Variants in SLFN12 observed in about 807,000 individuals in gnomAD.
SLFN12 encodes ribonuclease SLFN12.
In SLFN12, 25 loss-of-function variants were observed where a neutral mutation model predicts 29.1. The observed-to-expected ratio is 0.86, with a 90% CI of 0.63 to 1.20. The LOEUF (loss-of-function observed/expected upper bound fraction) is 1.20, where lower values mean the gene tolerates loss of function less well. SLFN12 is among the 50% of genes most tolerant of loss of function. SLFN12 has a pLI of 0.00. For synonymous variants in SLFN12, 257 were observed against 238.7 expected (o/e 1.08, Z -0.71); for missense variants, 660 against 666.2 (o/e 0.99, Z 0.10).
intron 3 of SLFN12, among the ~76,000 whole-genome samples, chr17:35,419,813 C>T (rs1911521475): frequency 1.3e-5 from 2 of 152,186 alleles, no homozygotes; most frequent in South Asian, 4.1e-4. Context: ...CACTAGAAGA[C>T]CGACTAAGAA....
At chr17:35,427,108 C>A (rs555455843) in intron 1 of SLFN12, among the ~76,000 whole-genome samples, 2 of 152,122 alleles carry the variant, frequency 1.3e-5, no homozygotes, top group East Asian at 1.9e-4. Flanking sequence ...TTTTACTATG[C>A]CCCACCAATT....
chr17:35,414,781 A>G (rs1252701597), intron 3 of SLFN12, among the ~76,000 whole-genome samples: 1 of 152,164 alleles, frequency 6.6e-6, no homozygotes, highest in Non-Finnish European at 1.5e-5. Context: ...GCAAAATAAA[A>G]TAAAATACTT....
At chr17:35,421,236 A>G (rs996183789) in intron 2 of SLFN12, among the ~76,000 whole-genome samples, 1 of 149,914 alleles carries the variant, frequency 6.7e-6, no homozygotes, top group African/African-American at 2.4e-5. Flanking sequence ...AAATAAATAA[A>G]TAAATAAATA....
At chr17:35,414,780 A>G (rs573455035) in intron 3 of SLFN12, among the ~76,000 whole-genome samples, 23 of 152,246 alleles carry the variant, frequency 1.5e-4, no homozygotes, top group African/African-American at 5.1e-4. Flanking sequence ...TGCAAAATAA[A>G]ATAAAATACT....
At chr17:35,417,578 A>G (rs964560014) in intron 3 of SLFN12, among the ~76,000 whole-genome samples, 5 of 152,160 alleles carry the variant, frequency 3.3e-5, no homozygotes, top group African/African-American at 1.2e-4. Context: ...CACTCTCTTT[A>G]AAATCTGAAC....
chr17:35,430,848 C>T (rs1912277193), intron 1 of SLFN12, among the ~76,000 whole-genome samples: 2 of 152,136 alleles, frequency 1.3e-5, no homozygotes, highest in African/African-American at 4.8e-5. Flanking sequence ...TCTCCATAGA[C>T]TCTAAGTGCC....
chr17:35,411,699 TG>T lies in SLFN12; in HGVS notation c.1375del (p.His459ThrfsTer17). Reference sequence around the variant, plus strand: ...TTTAAACTCCTCATCCTGTACCATGTGGAAGGTGTATAGGACTGGAGGACTG... The same window carrying T: ...TTTAAACTCCTCATCCTGTACCATGTGAAGGTGTATAGGACTGGAGGACTG... ...QDSPPVLYTF[H>X]MVQDEEFKGY... On this transcript the variant is annotated frameshift_variant, in exon 4 of 4. Transcript: ENST00000304905. LOFTEE classifies it low-confidence loss of function (END_TRUNC). 1 of 1,614,042 alleles carries T rather than the reference TG, an allele frequency of 6.2e-7. No homozygotes were observed. The highest frequency in any genetic ancestry group is 1.1e-5 in the South Asian group (1 of 91,092).
intron 3 of SLFN12, among the ~76,000 whole-genome samples, chr17:35,413,695 G>A (rs990396921): frequency 6.7e-6 from 1 of 150,298 alleles, no homozygotes; most frequent in Non-Finnish European, 1.5e-5. Flanking sequence ...GTTGCAGGGT[G>A]CCAAGATAGC....
Position 35,422,434 on chromosome 17 carries a change from T to C in SLFN12, c.595A>G (p.Thr199Ala). ...TTAATTTCAACATGTGTGGATTCAGTAAAGGTCAATTTTTCTTTCCGATCA... is the reference window on the plus strand; with the variant it reads ...TTAATTTCAACATGTGTGGATTCAGCAAAGGTCAATTTTTCTTTCCGATCA... ...ELDRKEKLTF[T>A]ESTHVEIKNF... Residue 199 changes from threonine to alanine, a missense_variant, in exon 2 of 4, where the codon ACT becomes GCT. Physicochemically the swap from Thr to Ala is moderately conservative, Grantham distance 58. Transcript: ENST00000304905. 5.6e-6 allele frequency: 9 copies of C among 1,613,050 alleles called. No individual in the cohort carries two copies. The highest frequency in any genetic ancestry group is 7.6e-6 in the Non-Finnish European group (9 of 1,179,768).
chr17:35,421,976 C>T lies in SLFN12; in HGVS notation c.1039+14G>A, dbSNP rs369876826. 173 of 1,607,934 alleles carry T rather than the reference C, an allele frequency of 1.1e-4. 2 individuals are homozygous for T. Among genetic ancestry groups the T allele is most frequent in the South Asian group, 3.6e-4 (33 of 90,602 alleles). On this transcript the variant is annotated intron_variant, in intron 2 of 3. Coordinates refer to ENST00000304905, the MANE Select transcript of SLFN12 (RefSeq NM_018042.5). Reference sequence around the variant, plus strand: ...AGCCAAATGCATTCCTGTTGCGAATCCCCCGCTCTCAACTTGGTTCAGCCT... The same window carrying T: ...AGCCAAATGCATTCCTGTTGCGAATTCCCCGCTCTCAACTTGGTTCAGCCT...
rs1911388675 is a variant in SLFN12, at chr17:35,417,633, C to T, written c.1147+2641G>A. On this transcript the variant is annotated intron_variant, in intron 3 of 3. Coordinates refer to ENST00000304905, the MANE Select transcript of SLFN12 (RefSeq NM_018042.5). ...AATTGTCTAAAAGTTTTCTTCAGTT[C>T]ATTAGGACAAGAAAAAAAGACATTA... Among the ~76,000 whole-genome samples the T allele has an allele frequency of 3.3e-5, 5 of 151,560 alleles. No individual in the cohort carries two copies. The South Asian group carries it at 8.4e-4, about 25-fold the overall frequency.
chr17:35,424,938 A>G (rs982336720), intron 1 of SLFN12, among the ~76,000 whole-genome samples: 7 of 152,098 alleles, frequency 4.6e-5, no homozygotes, highest in Non-Finnish European at 8.8e-5. Context: ...TACCATATAC[A>G]TTACTTCACA....
In SLFN12 at chr17:35,422,710, CA is replaced by C; in HGVS notation, c.318del (p.Phe106LeufsTer2). On this transcript the variant is annotated frameshift_variant, in exon 2 of 4. Coordinates refer to ENST00000304905, the MANE Select transcript of SLFN12 (RefSeq NM_018042.5). LOFTEE classifies it high-confidence loss of function. The stretch of plus-strand genomic sequence containing the variant: ...GAGGTGTTCAAGCTCCATGACTTCA[CA>C]AAAATCAGAAAGTAGTTACCATTCT... ...FMQNGNYFLI[F>X]VKSWSLNTSG... The C allele has an allele frequency of 6.2e-7, 1 of 1,614,108 alleles. No homozygotes were observed. The highest frequency in any genetic ancestry group is 8.5e-7 in the Non-Finnish European group (1 of 1,180,014).
At chr17:35,425,320 G>A (rs555738240) in intron 1 of SLFN12, among the ~76,000 whole-genome samples, 1 of 151,994 alleles carries the variant, frequency 6.6e-6, no homozygotes, top group African/African-American at 2.4e-5. Flanking sequence ...ACATAATAAA[G>A]AATACAACAT....
intron 3 of SLFN12, among the ~76,000 whole-genome samples, chr17:35,416,207 C>T (rs1040508573): frequency 2.6e-5 from 4 of 152,064 alleles, no homozygotes; most frequent in African/African-American, 7.2e-5. Context: ...TTCACAGCAA[C>T]CTGAATGGGG....
intron 3 of SLFN12, among the ~76,000 whole-genome samples, chr17:35,414,399 T>G (rs553294431): frequency 1.4e-4 from 22 of 152,120 alleles, no homozygotes; most frequent in African/African-American, 4.6e-4. Flanking sequence ...ATAAATGTTA[T>G]CAAGGAGATG....
chr17:35,411,316 C>T lies in SLFN12; in HGVS notation c.*22G>A. 7.1e-7 allele frequency: 1 copy of T among 1,400,824 alleles called. No individual in the cohort carries two copies. The highest frequency in any genetic ancestry group is 9.7e-7 in the Non-Finnish European group (1 of 1,035,016). The allele number at this position is 1,400,824 out of a possible 1,614,324, so 86.8% of individuals were successfully genotyped here. A position where few individuals can be genotyped will look rare whatever the true frequency, so the allele number is the denominator to read the frequency against. ...ATCAAATATATAATGAAAAATATCT[C>T]AGTAGCCCAGTCCATTTTCCATCAG... is the stretch of plus-strand genomic sequence containing the variant. On this transcript the variant is annotated 3_prime_UTR_variant, in exon 4 of 4. Coordinates refer to ENST00000304905, the MANE Select transcript of SLFN12 (RefSeq NM_018042.5).
intron 1 of SLFN12, among the ~76,000 whole-genome samples, chr17:35,427,952 A>G (rs754281690): frequency 1.1e-4 from 17 of 152,116 alleles, no homozygotes; most frequent in Non-Finnish European, 2.1e-4. Context: ...GGAGGCCAGA[A>G]CATGTAGACA....
chr17:35,413,777 T>C (rs1195121476), intron 3 of SLFN12, among the ~76,000 whole-genome samples: 1 of 148,298 alleles, frequency 6.7e-6, no homozygotes, highest in African/African-American at 2.5e-5. Context: ...AAAAAAAAGA[T>C]CATTCATCAT....
Sources: gnomAD v4.1 joint callset for allele counts (sites outside exome capture counted in the v4.1 genomes callset) on GRCh38, gnomAD v4.1.1 for gene constraint, MANE v1.5 for transcripts, NCBI Gene and HGNC (gene_info 2026-07-23, HGNC 2026-07-21) for gene names.